The following PLA2G7 variants were observed in gnomAD, a reference collection of about 807,000 sequenced individuals.
The protein encoded by PLA2G7 is phospholipase A2 group VII.
A neutral mutation model predicts 49.6 loss-of-function variants in PLA2G7; 63 were observed. The observed-to-expected ratio is 1.27, with a 90% CI of 1.04 to 1.57. The LOEUF (loss-of-function observed/expected upper bound fraction) is 1.57, where lower values mean the gene tolerates loss of function less well. PLA2G7 is among the 40% of genes most tolerant of loss of function. The pLI, the probability that PLA2G7 is intolerant of heterozygous loss-of-function variation, is 0.00. For synonymous variants in PLA2G7, 193 were observed against 169.9 expected, an observed-to-expected ratio of 1.14 and a Z score of -1.06; for missense variants, 596 against 521.2, an observed-to-expected ratio of 1.14 and a Z score of -1.40.
rs200276421 is a variant in PLA2G7, at chr6:46,714,508, C to G, written c.422G>C (p.Gly141Ala). The change falls in exon 5 of 12, where the codon GGT becomes GCT. Residue 141 changes from glycine to alanine, a missense_variant. Gly to Ala is a moderately conservative substitution (Grantham distance 60). Transcript: ENST00000274793. ...AAAAACAACAAGTGGATATTTTTCA[C>G]CAGGCCTCAGAGGGGAATTCCAGTT... The part of the protein sequence containing the change: ...PANWNSPLRP[G>A]EKYPLVVFSH... 1 of 1,612,770 alleles carries G rather than the reference C, an allele frequency of 6.2e-7. No individual in the cohort carries two copies. Among genetic ancestry groups the G allele is most frequent in the South Asian group, 1.1e-5 (1 of 91,032 alleles).
chr6:46,731,448 C>T (rs895939813), intron 1 of PLA2G7, among the ~76,000 whole-genome samples: 5 of 152,126 alleles, frequency 3.3e-5, no homozygotes, highest in Admixed American at 3.3e-4. Flanking sequence ...TATTTTTTTC[C>T]CATTCCCAGC....
At chr6:46,719,876 C>A (rs1238576342) in intron 2 of PLA2G7, among the ~76,000 whole-genome samples, 1 of 152,210 alleles carries the variant, frequency 6.6e-6, no homozygotes, top group African/African-American at 2.4e-5. Context: ...GAAGTTTTAG[C>A]AGGTCTAACC....
intron 4 of PLA2G7, among the ~76,000 whole-genome samples, chr6:46,715,125 G>A (rs1292234814): frequency 6.6e-6 from 1 of 152,128 alleles, no homozygotes; most frequent in East Asian, 1.9e-4. Flanking sequence ...ACTTATAGGT[G>A]TATTCATAAA....
rs45535137 is a variant in PLA2G7 at position 46,705,512 on chromosome 6, A to G, written c.1041-211T>C. ...GAGTATATTCTTCTTCCCTCTAGAA[A>G]TACAACTCAAAGAATCTTGTTCTTG... On this transcript the variant is annotated intron_variant, in intron 10 of 11. Coordinates refer to ENST00000274793, the MANE Select transcript of PLA2G7 (RefSeq NM_005084.4). Among the ~76,000 whole-genome samples, 438 of 152,298 alleles carry G rather than the reference A, an allele frequency of 2.9e-3. 1 individual carries two copies. The highest frequency in any genetic ancestry group is 0.01 in the African/African-American group (420 of 41,576).
chr6:46,732,020 A>T (rs1765749289), intron 1 of PLA2G7, among the ~76,000 whole-genome samples: 1 of 152,122 alleles, frequency 6.6e-6, no homozygotes, highest in Non-Finnish European at 1.5e-5. Flanking sequence ...TAAATCAATT[A>T]TGTCACATCT....
At chr6:46,733,995 C>A (rs536567612) in intron 1 of PLA2G7, among the ~76,000 whole-genome samples, 21 of 152,258 alleles carry the variant, frequency 1.4e-4, no homozygotes, top group African/African-American at 4.6e-4. Context: ...CATTTATGAG[C>A]CATACGCACC....
At chr6:46,734,363 G>GGA (rs151162954) in intron 1 of PLA2G7, among the ~76,000 whole-genome samples, 1 of 148,070 alleles carries the variant, frequency 6.8e-6, no homozygotes, top group Non-Finnish European at 1.5e-5. Flanking sequence ...GAGAGCGGAG[G>GGA]GAGAGAGAGA....
intron 2 of PLA2G7, among the ~76,000 whole-genome samples, chr6:46,717,735 CAG>C (rs1562074616): frequency 1.9e-4 from 25 of 128,376 alleles, no homozygotes; most frequent in African/African-American, 6.5e-4. Flanking sequence ...TTTTTTGAGA[CAG>C]AGTCTCACCG....
chr6:46,720,848 A>G (rs1346553500), intron 2 of PLA2G7, among the ~76,000 whole-genome samples: 1 of 152,194 alleles, frequency 6.6e-6, no homozygotes, highest in Non-Finnish European at 1.5e-5. Flanking sequence ...ACATGCTAGG[A>G]CAATTACACT....
At chr6:46,734,245 G>C (rs1042620035) in intron 1 of PLA2G7, among the ~76,000 whole-genome samples, 1 of 152,042 alleles carries the variant, frequency 6.6e-6, no homozygotes, top group Non-Finnish European at 1.5e-5. Flanking sequence ...GACAAAGAGT[G>C]CTTTGTTTTG....
chr6:46,719,413 C>T (rs1024066979), intron 2 of PLA2G7, among the ~76,000 whole-genome samples: 3 of 152,176 alleles, frequency 2.0e-5, no homozygotes, highest in African/African-American at 4.8e-5. Flanking sequence ...GAAATGCAGG[C>T]TCCTGGACTT....
rs1181224432 is a variant in PLA2G7 at position 46,731,056 on chromosome 6, C to T, written c.-35+4124G>A. Among the ~76,000 whole-genome samples, 3 of 152,178 alleles carry T rather than the reference C, an allele frequency of 2.0e-5. No homozygotes were observed. The East Asian group carries it at 5.8e-4, about 29-fold the overall frequency. On this transcript the variant is annotated intron_variant, in intron 1 of 11. Transcript: ENST00000274793. The stretch of plus-strand genomic sequence containing the variant: ...GCTGACATTTCTGCTGCCCACAATA[C>T]AAATGAGGAAGAGCTTTTTTTCCTC...
chr6:46,721,672 T>C (rs1182341704), intron 2 of PLA2G7, among the ~76,000 whole-genome samples: 1 of 150,912 alleles, frequency 6.6e-6, no homozygotes, highest in Non-Finnish European at 1.5e-5. Flanking sequence ...ATTTATTGTC[T>C]TAGTCACCAG....
intron 1 of PLA2G7, among the ~76,000 whole-genome samples, chr6:46,725,065 A>G (rs1220709419): frequency 6.6e-6 from 1 of 152,186 alleles, no homozygotes; most frequent in African/African-American, 2.4e-5. Flanking sequence ...AAGAAAGCAA[A>G]TTACAGGGGC....
At chr6:46,721,669 G>T (rs538408909) in intron 2 of PLA2G7, among the ~76,000 whole-genome samples, 1 of 150,554 alleles carries the variant, frequency 6.6e-6, no homozygotes, top group Admixed American at 6.7e-5. Flanking sequence ...CACATTTATT[G>T]TCTTAGTCAC....
At chr6:46,722,971 G>A in intron 1 of PLA2G7, 46 bp from the exon 2 acceptor site, 2 of 788,316 alleles carry the variant, frequency 2.5e-6, no homozygotes, top group South Asian at 1.4e-5. Context: ...GCAATGAAGA[G>A]GCCTTAAATA....
intron 1 of PLA2G7, among the ~76,000 whole-genome samples, chr6:46,725,866 G>A (rs1582585610): frequency 1.3e-5 from 2 of 151,972 alleles, no homozygotes; most frequent in African/African-American, 4.8e-5. Flanking sequence ...ACCTCTGAAG[G>A]GTCACTGAAA....
chr6:46,733,188 T>C (rs1291393395), intron 1 of PLA2G7, among the ~76,000 whole-genome samples: 1 of 152,158 alleles, frequency 6.6e-6, no homozygotes, highest in East Asian at 1.9e-4. Flanking sequence ...AAGAGTGTGG[T>C]AAGTCATATT....
rs180829279 is a variant in PLA2G7, at chr6:46,728,095, A to G, written c.-34-5170T>C. Among the ~76,000 whole-genome samples the G allele has an allele frequency of 5.3e-5, 8 of 152,352 alleles. No homozygotes were observed. The East Asian group carries it at 1.5e-3, about 29-fold the overall frequency. ...GCCCAATTCAGTTTCAACTAAAGTC[A>G]AAGAAAGTGGCTTAAATACCTCAAA... On this transcript the variant is annotated intron_variant, in intron 1 of 11. Coordinates refer to ENST00000274793, the MANE Select transcript of PLA2G7 (RefSeq NM_005084.4).
Sources: gnomAD v4.1 joint callset for allele counts (sites outside exome capture counted in the v4.1 genomes callset) on GRCh38, gnomAD v4.1.1 for gene constraint, MANE v1.5 for transcripts, NCBI Gene and HGNC (gene_info 2026-07-23, HGNC 2026-07-21) for gene names.